TRIM37: variants seen among roughly 807,000 people sequenced by gnomAD.
The protein encoded by TRIM37 is tripartite motif containing 37.
In TRIM37, 80 loss-of-function variants were observed where a neutral mutation model predicts 129.8. The ratio of observed to expected loss-of-function variants is 0.62; its 90% confidence interval spans 0.51 to 0.74. The LOEUF (loss-of-function observed/expected upper bound fraction) is 0.74, where lower values mean the gene tolerates loss of function less well. TRIM37 is among the 30% of genes least tolerant of loss of function. The pLI is 0.00. For missense variants in TRIM37, 1,054 were observed against 1,176.5 expected, an observed-to-expected ratio of 0.90 and a Z score of 1.52; for synonymous variants, 389 against 387.1, an observed-to-expected ratio of 1.00 and a Z score of -0.06.
intron 18 of TRIM37, among the ~76,000 whole-genome samples, chr17:59,031,223 A>G (rs1397887071): frequency 6.6e-6 from 1 of 152,216 alleles, no homozygotes; most frequent in African/African-American, 2.4e-5. Flanking sequence ...TGATGTATAT[A>G]ATACTATTGT....
intron 24 of TRIM37, among the ~76,000 whole-genome samples, chr17:58,987,606 T>G (rs1485175152): frequency 1.3e-5 from 2 of 152,230 alleles, no homozygotes; most frequent in South Asian, 4.1e-4. Context: ...CTTCTATAAA[T>G]CTAGACTATG....
At chr17:59,055,647 G>A (rs1401702166) in intron 13 of TRIM37, among the ~76,000 whole-genome samples, 20 of 137,362 alleles carry the variant, frequency 1.5e-4, no homozygotes, top group Admixed American at 5.5e-4. Flanking sequence ...GCAGTGAGCC[G>A]ATATGTCGCC....
intron 2 of TRIM37, among the ~76,000 whole-genome samples, chr17:59,092,996 C>T (rs1403917343): frequency 1.3e-5 from 2 of 151,892 alleles, no homozygotes; most frequent in South Asian, 2.1e-4. Flanking sequence ...ACTAAAAATA[C>T]AAATTGAGCC....
At chr17:58,972,019 CATT>C in the TRIM37 span, 1 of 990,480 alleles carries the variant, frequency 1.0e-6, no homozygotes, top group African/African-American at 1.6e-5. Context: ...TGTGAAATTC[CATT>C]ATTAATAGTA....
At position 59,083,985 on chromosome 17, in the gene TRIM37, G is replaced by C. The variant is rs1349137354; in HGVS notation, c.369+17C>G. Reference sequence around the variant, plus strand: ...TAGCCTCTAACTTAAAAAAAATACTGAATTTGTTCTGCTCACCATTCCTCC... The same window carrying C: ...TAGCCTCTAACTTAAAAAAAATACTCAATTTGTTCTGCTCACCATTCCTCC... On this transcript the variant is annotated intron_variant, in intron 5 of 23. Transcript: ENST00000262294. The C allele has an allele frequency of 1.9e-6, 3 of 1,606,820 alleles. No homozygotes were observed. The highest frequency in any genetic ancestry group is 2.6e-6 in the Non-Finnish European group (3 of 1,173,836).
chr17:58,981,565 A>G (rs921539689), downstream of TRIM37: 1 of 152,730 alleles, frequency 6.5e-6, no homozygotes. Context: ...ATGGATTTTA[A>G]CTGATAACAA....
chr17:59,084,657 A>C (rs182890345), intron 4 of TRIM37, among the ~76,000 whole-genome samples: 1 of 152,324 alleles, frequency 6.6e-6, no homozygotes, highest in Admixed American at 6.5e-5. Flanking sequence ...TCATAGGTTA[A>C]AGCCTTAACC....
At chr17:59,103,575 C>T (rs977734478) in intron 2 of TRIM37, among the ~76,000 whole-genome samples, 8 of 151,406 alleles carry the variant, frequency 5.3e-5, no homozygotes, top group African/African-American at 1.9e-4. Context: ...CTCCTGACAC[C>T]ATGATCCACC....
chr17:59,047,757 G>A lies in TRIM37; in HGVS notation c.1593C>T (p.Leu531=), dbSNP rs1299983671. Residue 531 remains leucine (L), a synonymous_variant, in exon 16 of 24, where the codon CTC becomes CTT. Coordinates refer to ENST00000262294, the MANE Select transcript of TRIM37 (RefSeq NM_015294.6). ...AACTAGCAGAGGAACTGCTGCCATC[G>A]AGCTGATTTACTTCATCCTCATAAA... ...DLVYEDEVNQ[L]DGSSSSASST... The A allele has an allele frequency of 5.6e-6, 9 of 1,613,836 alleles. No homozygotes were observed. In the East Asian group the frequency reaches 6.7e-5, roughly 12 times the overall value.
At chr17:58,981,242 G>C, downstream of TRIM37, 1 of 521,284 alleles carries the variant, frequency 1.9e-6, no homozygotes, top group Non-Finnish European at 3.4e-6. Flanking sequence ...AAATTACACA[G>C]CTGGTCCCTG....
chr17:59,009,749 G>A (rs1458759535), intron 22 of TRIM37, among the ~76,000 whole-genome samples: 3 of 152,002 alleles, frequency 2.0e-5, no homozygotes, highest in Non-Finnish European at 4.4e-5. Context: ...CCCGGCCCTG[G>A]CCTTCCAATT....
intron 2 of TRIM37, among the ~76,000 whole-genome samples, chr17:59,101,977 T>C (rs2147628388): frequency 6.6e-6 from 1 of 151,414 alleles, no homozygotes; most frequent in South Asian, 2.1e-4. Context: ...AAATCATTGG[T>C]ATAAAGTTTC....
At chr17:59,081,903 C>A (rs1410302928) in intron 5 of TRIM37, among the ~76,000 whole-genome samples, 2 of 133,520 alleles carry the variant, frequency 1.5e-5, no homozygotes, top group African/African-American at 5.7e-5. Context: ...ACTCTGTCCC[C>A]CCCAAAAAAT....
chr17:58,980,283 C>G (rs746727705), downstream of TRIM37: 57 of 1,614,008 alleles, frequency 3.5e-5, no homozygotes, highest in Non-Finnish European at 4.4e-5. This position sits in a 1 kb window ranked among gnomAD's most constrained non-coding sequence, Gnocchi z 4.7. Flanking sequence ...ACAGAGAACT[C>G]TTTTCAAGGA....
chr17:59,099,536 A>G (rs2045257578), intron 2 of TRIM37, among the ~76,000 whole-genome samples: 1 of 152,112 alleles, frequency 6.6e-6, no homozygotes, highest in Non-Finnish European at 1.5e-5. Flanking sequence ...AAATTTTGTT[A>G]TATTTATTTT....
intron 2 of TRIM37, among the ~76,000 whole-genome samples, chr17:59,098,598 G>A (rs1216386313): frequency 6.7e-6 from 1 of 149,978 alleles, no homozygotes; most frequent in Non-Finnish European, 1.5e-5. Flanking sequence ...CCAAGAGATT[G>A]AGGCTGCAGT....
downstream of TRIM37, among the ~76,000 whole-genome samples, chr17:58,996,818 GTGTA>G (rs1427322844): frequency 6.7e-6 from 1 of 149,980 alleles, no homozygotes; most frequent in Non-Finnish European, 1.5e-5. Flanking sequence ...GTGTGTGTGT[GTGTA>G]TGTATGTATA....
At chr17:59,048,195 A>G (rs2040003783) in intron 15 of TRIM37, among the ~76,000 whole-genome samples, 1 of 152,196 alleles carries the variant, frequency 6.6e-6, no homozygotes, top group African/African-American at 2.4e-5. Flanking sequence ...CCCACTATTA[A>G]GCAAAAACTT....
intron 16 of TRIM37, among the ~76,000 whole-genome samples, chr17:59,044,264 G>A (rs1379031983): frequency 2.0e-5 from 3 of 152,082 alleles, no homozygotes; most frequent in African/African-American, 7.2e-5. Context: ...CTGTGATCAC[G>A]CGACCACTGC....
Sources: gnomAD v4.1 joint callset for allele counts (sites outside exome capture counted in the v4.1 genomes callset) on GRCh38, gnomAD v4.1.1 for gene constraint, Gnocchi (gnomAD v3.1) non-coding constraint, MANE v1.5 for transcripts, NCBI Gene and HGNC (gene_info 2026-07-23, HGNC 2026-07-21) for gene names.